The following RNF180 variants were observed in gnomAD, a reference collection of about 807,000 sequenced individuals.
The protein encoded by RNF180 is E3 ubiquitin-protein ligase RNF180.
RNF180 carries 38 observed loss-of-function variants against 59.2 expected under a neutral mutation model. The ratio of observed to expected loss-of-function variants is 0.64; its 90% CI spans 0.50 to 0.84. RNF180 has a LOEUF of 0.84. Ranked by LOEUF, RNF180 falls within the 40% of genes least tolerant of loss-of-function variation. RNF180 has a pLI of 0.00. For missense variants in RNF180, 705 were observed against 700.9 expected (o/e 1.01, Z -0.07); for synonymous variants, 262 against 240.3 (o/e 1.09, Z -0.84).
intron 5 of RNF180, among the ~76,000 whole-genome samples, chr5:64,315,007 C>T (rs760130325): frequency 3.9e-5 from 6 of 152,152 alleles, no homozygotes; most frequent in Admixed American, 1.3e-4. Flanking sequence ...CATTAAAATC[C>T]GTGGGTCTGT....
At chr5:64,213,522 G>A (rs12519901) in intron 3 of RNF180, 36 bp from the exon 4 acceptor site, 161,116 of 1,540,502 alleles carry the variant, frequency 0.1, 9,293 homozygotes, top group South Asian at 0.18. Context: ...ACTTTATAAT[G>A]AAAGCACTGT....
intron 5 of RNF180, among the ~76,000 whole-genome samples, chr5:64,253,592 G>T (rs528298455): frequency 6.6e-6 from 1 of 152,092 alleles, no homozygotes; most frequent in African/African-American, 2.4e-5. Flanking sequence ...CTGGTTCCTC[G>T]TTTTTTGTGC....
At chr5:64,168,708 A>C (rs1749778193) in intron 1 of RNF180, among the ~76,000 whole-genome samples, 1 of 152,202 alleles carries the variant, frequency 6.6e-6, no homozygotes, top group Non-Finnish European at 1.5e-5. Context: ...GTATGTTTTG[A>C]GTGTAATACA....
At chr5:64,357,679 A>C (rs1454352007) in intron 7 of RNF180, among the ~76,000 whole-genome samples, 1 of 151,760 alleles carries the variant, frequency 6.6e-6, no homozygotes, top group Non-Finnish European at 1.5e-5. Context: ...AACCTACCAA[A>C]ATTACAAAAA....
intron 5 of RNF180, among the ~76,000 whole-genome samples, chr5:64,222,406 A>G (rs1403358769): frequency 6.6e-6 from 1 of 152,178 alleles, no homozygotes; most frequent in African/African-American, 2.4e-5. Flanking sequence ...CTTACAACAA[A>G]AGGATATAAA....
chr5:64,337,485 G>A (rs1745177742), intron 7 of RNF180, among the ~76,000 whole-genome samples: 1 of 151,846 alleles, frequency 6.6e-6, no homozygotes, highest in Non-Finnish European at 1.5e-5. Context: ...TTGTTGTCTA[G>A]AAATATATTT....
At chr5:64,282,137 T>G (rs1306681182) in intron 5 of RNF180, among the ~76,000 whole-genome samples, 1 of 152,166 alleles carries the variant, frequency 6.6e-6, no homozygotes. Context: ...CAGCTCCTCT[T>G]CATATGTCTG....
At chr5:64,327,982 A>G (rs1265352182) in intron 6 of RNF180, among the ~76,000 whole-genome samples, 1 of 152,128 alleles carries the variant, frequency 6.6e-6, no homozygotes, top group Non-Finnish European at 1.5e-5. Flanking sequence ...TATAATTATT[A>G]TATTCTCTTG....
At chr5:64,342,856 C>G (rs1745407913) in intron 7 of RNF180, among the ~76,000 whole-genome samples, 1 of 152,054 alleles carries the variant, frequency 6.6e-6, no homozygotes, top group African/African-American at 2.4e-5. Context: ...AGATAAAGTC[C>G]CATTAAAGAA....
rs183878506 is a variant in RNF180, at chr5:64,264,463, G to T, written c.1227+47067G>T. Among the ~76,000 whole-genome samples, 357 of 152,006 alleles carry T rather than the reference G, an allele frequency of 2.3e-3. 1 individual carries two copies. Among genetic ancestry groups the T allele is most frequent in the African/African-American group, 8.4e-3 (350 of 41,440 alleles). On this transcript the variant is annotated intron_variant, in intron 5 of 7. Coordinates refer to ENST00000389100, the MANE Select transcript of RNF180 (RefSeq NM_001113561.2). ...TTCTCATTGTTCAGTTCCCACTTAT[G>T]AGTGAGAACATGCAGTGTTTTGTTT...
chr5:64,357,455 G>A (rs2112596644), intron 7 of RNF180, among the ~76,000 whole-genome samples: 1 of 151,740 alleles, frequency 6.6e-6, no homozygotes, highest in South Asian at 2.1e-4. Context: ...TAATTTCAAG[G>A]CTCTCTGAAT....
chr5:64,334,942 C>T (rs1375600872), intron 7 of RNF180, among the ~76,000 whole-genome samples: 1 of 152,186 alleles, frequency 6.6e-6, no homozygotes, highest in Non-Finnish European at 1.5e-5. Flanking sequence ...AGGAAAAGCA[C>T]ATCTTTAACT....
intron 5 of RNF180, among the ~76,000 whole-genome samples, chr5:64,234,634 C>G (rs1224376931): frequency 2.1e-5 from 2 of 97,308 alleles, no homozygotes; most frequent in African/African-American, 8.1e-5. Flanking sequence ...GAGTCTCACT[C>G]TGTCGCCCAG....
intron 2 of RNF180, among the ~76,000 whole-genome samples, chr5:64,210,097 TA>T (rs958033446): frequency 1.3e-5 from 2 of 152,044 alleles, no homozygotes. Flanking sequence ...AATCAAACAC[TA>T]AAAAAAGATG....
At position 64,295,346 on chromosome 5, in the gene RNF180, A is replaced by C. The variant is rs547159982; in HGVS notation, c.1228-29840A>C. On this transcript the variant is annotated intron_variant, in intron 5 of 7. Coordinates refer to ENST00000389100, the MANE Select transcript of RNF180 (RefSeq NM_001113561.2). ...TGCCACTGAAGCATGAGATGCAATG[A>C]GACCTAGTTGGTTCTCGTGTGTGTG... Among the ~76,000 whole-genome samples, 8 of 152,292 alleles carry C rather than the reference A, an allele frequency of 5.3e-5. No individual in the cohort carries two copies. The East Asian group carries it at 9.7e-4, about 18-fold the overall frequency.
chr5:64,351,955 G>A (rs778141882), intron 7 of RNF180, among the ~76,000 whole-genome samples: 2 of 152,016 alleles, frequency 1.3e-5, no homozygotes, highest in Admixed American at 6.6e-5. Flanking sequence ...TCTATTGATT[G>A]GAATAGTTTC....
At chr5:64,187,096 A>G (rs1750909631) in intron 1 of RNF180, among the ~76,000 whole-genome samples, 1 of 152,200 alleles carries the variant, frequency 6.6e-6, no homozygotes, top group Non-Finnish European at 1.5e-5. Flanking sequence ...TAATTCTTAA[A>G]GATGTCACTT....
intron 5 of RNF180, among the ~76,000 whole-genome samples, chr5:64,245,798 G>A (rs2968296): frequency 1 from 152,304 of 152,338 alleles, 76,135 homozygotes; most frequent in Middle Eastern, 1. Context: ...TTCCACCCCA[G>A]ATCAACAGAA....
At chr5:64,291,575 C>G (rs1216939093) in intron 5 of RNF180, among the ~76,000 whole-genome samples, 3 of 149,192 alleles carry the variant, frequency 2.0e-5, no homozygotes, top group Admixed American at 6.7e-5. Context: ...CAAGTGCCCA[C>G]CACCGCACCC....
Sources: gnomAD v4.1 joint callset for allele counts (sites outside exome capture counted in the v4.1 genomes callset) on GRCh38, gnomAD v4.1.1 for gene constraint, MANE v1.5 for transcripts, NCBI Gene and HGNC (gene_info 2026-07-23, HGNC 2026-07-21) for gene names.